Variants in SRFBP1 observed in about 807,000 individuals in gnomAD.
The protein encoded by SRFBP1 is serum response factor-binding protein 1.
Under a neutral mutation model 45.5 loss-of-function variants are expected in SRFBP1, and 47 were observed. That is an observed-to-expected ratio of 1.03 (90% confidence interval 0.82 to 1.32). The LOEUF (loss-of-function observed/expected upper bound fraction) is 1.32, where lower values mean the gene tolerates loss of function less well. Among genes scored for constraint, SRFBP1 ranks in the 40% most tolerant of loss-of-function variants. The pLI is 0.00. For missense variants in SRFBP1, 621 were observed against 484.6 expected, an observed-to-expected ratio of 1.28 and a Z score of -2.64; for synonymous variants, 203 against 166.3, an observed-to-expected ratio of 1.22 and a Z score of -1.70.
intron 6 of SRFBP1, among the ~76,000 whole-genome samples, chr5:122,021,200 T>C (rs1753312432): frequency 6.6e-6 from 1 of 152,240 alleles, no homozygotes; most frequent in African/African-American, 2.4e-5. Context: ...TAAACATCAG[T>C]CATTTTACTG....
Position 122,003,783 on chromosome 5 carries a change from G to A in SRFBP1, c.270+9113G>A, listed in dbSNP as rs571295181. Among the ~76,000 whole-genome samples, 77 of 152,174 alleles carry A rather than the reference G, an allele frequency of 5.1e-4. 1 individual carries two copies. Among genetic ancestry groups the A allele is most frequent in the African/African-American group, 1.8e-3 (76 of 41,504 alleles). On this transcript the variant is annotated intron_variant, in intron 4 of 7. Coordinates refer to ENST00000339397, the MANE Select transcript of SRFBP1 (RefSeq NM_152546.3). Reference sequence around the variant, plus strand: ...GGGTTAGAGGTGATATCTCGTTACGGTTTTAATTTGCATTTCCCTAATGAT... The same window carrying A: ...GGGTTAGAGGTGATATCTCGTTACGATTTTAATTTGCATTTCCCTAATGAT...
chr5:121,996,059 C>T (rs1299472766), intron 4 of SRFBP1, among the ~76,000 whole-genome samples: 6 of 150,968 alleles, frequency 4.0e-5, no homozygotes, highest in South Asian at 4.2e-4. Flanking sequence ...ACCAGATGGA[C>T]TCACAGCCGA....
intron 2 of SRFBP1, among the ~76,000 whole-genome samples, chr5:122,073,102 C>T (rs2152588998): frequency 1.3e-5 from 2 of 152,290 alleles, no homozygotes. Context: ...AAACAGCTTC[C>T]TGCCACAGCC....
rs935351146 is a variant in SRFBP1 at position 122,058,572 on chromosome 5, A to G, written n.312-16743A>G. 3.0e-4 allele frequency among the ~76,000 whole-genome samples: 41 copies of G among 138,092 alleles called. 1 individual carries two copies. Among genetic ancestry groups the G allele is most frequent in the Admixed American group, 5.9e-4 (8 of 13,468 alleles). 90.6% of individuals were successfully genotyped at this position (138,092 alleles called of 152,430 possible). A position where few individuals can be genotyped will look rare whatever the true frequency, so the allele number is the denominator to read the frequency against. On this transcript the variant is annotated intron_variant and non_coding_transcript_variant, in intron 2 of 2. Transcript: ENST00000504881. ...TGTGTGTGTGTGTGTGTGTGTGTGT[A>G]TAAAGCCCTATGTCTAGAACGTAGC...
At chr5:122,024,879 A>T (rs1215504879) in intron 7 of SRFBP1, among the ~76,000 whole-genome samples, 4 of 152,250 alleles carry the variant, frequency 2.6e-5, no homozygotes, top group African/African-American at 9.6e-5. Context: ...ATATAAAATA[A>T]TACATTCATT....
At chr5:121,976,127 ACTCT>A (rs1491386341) in intron 3 of SRFBP1, among the ~76,000 whole-genome samples, 1 of 150,996 alleles carries the variant, frequency 6.6e-6, no homozygotes, top group Non-Finnish European at 1.5e-5. Flanking sequence ...GAGAAATAAA[ACTCT>A]CTAACTATTT....
downstream of SRFBP1, among the ~76,000 whole-genome samples, chr5:122,076,344 T>A (rs1313452826): frequency 6.6e-6 from 1 of 152,162 alleles, no homozygotes; most frequent in Admixed American, 6.5e-5. Flanking sequence ...AGAACCCCAA[T>A]CCCAGAGTTA....
intron 2 of SRFBP1, among the ~76,000 whole-genome samples, chr5:122,056,134 A>G (rs1358760975): frequency 1.3e-5 from 2 of 152,088 alleles, no homozygotes; most frequent in Non-Finnish European, 2.9e-5. Flanking sequence ...TCCCTCTCTC[A>G]TTTGACTGCC....
At chr5:122,057,644 A>C (rs1286508393) in intron 2 of SRFBP1, among the ~76,000 whole-genome samples, 1 of 151,590 alleles carries the variant, frequency 6.6e-6, no homozygotes, top group Non-Finnish European at 1.5e-5. Context: ...AGTTCTTTAA[A>C]AAAAAAAAAA....
chr5:122,027,809 A>G lies in SRFBP1; in HGVS notation c.*683A>G, dbSNP rs1305421413. Reference sequence around the variant, plus strand: ...CTTTTTGATTCTAAAATAGTTGTCTAGGACAATTTTGGGATTCTTAATTAT... The same window carrying G: ...CTTTTTGATTCTAAAATAGTTGTCTGGGACAATTTTGGGATTCTTAATTAT... On this transcript the variant is annotated 3_prime_UTR_variant, in exon 8 of 8. Coordinates refer to ENST00000339397, the MANE Select transcript of SRFBP1 (RefSeq NM_152546.3). 2 of 152,194 alleles carry G rather than the reference A, an allele frequency of 1.3e-5. No homozygotes were observed. Among genetic ancestry groups the G allele is most frequent in the East Asian group, 1.9e-4 (1 of 5,198 alleles). The allele number at this position is 152,194 out of a possible 1,614,324, so 9.4% of individuals were successfully genotyped here. A position where few individuals can be genotyped will look rare whatever the true frequency, so the allele number is the denominator to read the frequency against.
Position 122,027,172 on chromosome 5 carries a change from T to C in SRFBP1, c.*46T>C. The C allele has an allele frequency of 6.8e-7, 1 of 1,475,242 alleles. No individual in the cohort carries two copies. The highest frequency in any genetic ancestry group is 9.3e-7 in the Non-Finnish European group (1 of 1,077,708). 91.4% of individuals were successfully genotyped at this position (1,475,242 alleles called of 1,614,324 possible). A position where few individuals can be genotyped will look rare whatever the true frequency, so the allele number is the denominator to read the frequency against. On this transcript the variant is annotated 3_prime_UTR_variant, in exon 8 of 8. Coordinates refer to ENST00000339397, the MANE Select transcript of SRFBP1 (RefSeq NM_152546.3). ...CTTTTCCATCTAAAAAAAAAAATGTTTTTTTTAAGACAGGATCTCATTCTG... is the reference window on the plus strand; with the variant it reads ...CTTTTCCATCTAAAAAAAAAAATGTCTTTTTTAAGACAGGATCTCATTCTG...
chr5:122,009,952 T>G (rs1753056578), intron 4 of SRFBP1, among the ~76,000 whole-genome samples: 1 of 152,206 alleles, frequency 6.6e-6, no homozygotes, highest in South Asian at 2.1e-4. Context: ...TATGCTTCTT[T>G]TCTGGCACTC....
rs527902932 is a variant in SRFBP1 at position 122,004,134 on chromosome 5, C to T, written c.270+9464C>T. On this transcript the variant is annotated intron_variant, in intron 4 of 7. Transcript: ENST00000339397. ...AAGTGTAGCTGGGACTACAGTCATGCGCCACCATGCCCGGCTAATTTGCTA... is the reference window on the plus strand; with the variant it reads ...AAGTGTAGCTGGGACTACAGTCATGTGCCACCATGCCCGGCTAATTTGCTA... Among the ~76,000 whole-genome samples, 27 of 152,152 alleles carry T rather than the reference C, an allele frequency of 1.8e-4. 1 individual carries two copies. Among genetic ancestry groups the T allele is most frequent in the African/African-American group, 4.6e-4 (19 of 41,522 alleles).
intron 2 of SRFBP1, chr5:122,070,430 ATCCAGAG>A: frequency 1.2e-6 from 1 of 863,984 alleles, no homozygotes; most frequent in Non-Finnish European, 1.9e-6. Flanking sequence ...TAACATTTGA[ATCCAGAG>A]AAGAGGGCCT....
At chr5:122,002,543 A>G (rs1031068438) in intron 4 of SRFBP1, among the ~76,000 whole-genome samples, 1 of 152,180 alleles carries the variant, frequency 6.6e-6, no homozygotes, top group Non-Finnish European at 1.5e-5. Flanking sequence ...GGATGTTTGG[A>G]ACAGATACTG....
chr5:121,984,756 T>A (rs1294017020), intron 3 of SRFBP1, among the ~76,000 whole-genome samples: 1 of 151,804 alleles, frequency 6.6e-6, no homozygotes, highest in African/African-American at 2.4e-5. Flanking sequence ...TTTGAAAAGT[T>A]ACGCTAAAAC....
At chr5:122,067,721 T>G (rs1207107740) in intron 2 of SRFBP1, among the ~76,000 whole-genome samples, 1 of 152,138 alleles carries the variant, frequency 6.6e-6, no homozygotes, top group Non-Finnish European at 1.5e-5. Context: ...AATTCATGCT[T>G]TAGCCAAACT....
chr5:122,036,853 C>T (rs118148159), intron 2 of SRFBP1, among the ~76,000 whole-genome samples: 51 of 151,372 alleles, frequency 3.4e-4, no homozygotes, highest in East Asian at 1.8e-3. Context: ...CTGTGATAAA[C>T]GATGAGTATG....
chr5:122,000,875 A>G (rs767377568), intron 4 of SRFBP1, among the ~76,000 whole-genome samples: 21 of 152,318 alleles, frequency 1.4e-4, no homozygotes, highest in South Asian at 8.3e-4. Flanking sequence ...ATGATAAACT[A>G]TAAGACTACC....
Sources: gnomAD v4.1 joint callset for allele counts (sites outside exome capture counted in the v4.1 genomes callset) on GRCh38, gnomAD v4.1.1 for gene constraint, MANE v1.5 for transcripts, NCBI Gene and HGNC (gene_info 2026-07-23, HGNC 2026-07-21) for gene names.